LIMS2: variants seen among roughly 807,000 people sequenced by gnomAD.
The protein encoded by LIMS2 is LIM zinc finger domain containing 2.
LIMS2 carries 30 observed loss-of-function variants against 45.3 expected under a neutral mutation model. The observed-to-expected ratio is 0.66, with a 90% CI of 0.50 to 0.90. The LOEUF is 0.90. Among genes scored for constraint, LIMS2 ranks in the 40% least tolerant of loss-of-function variants. The probability of loss-of-function intolerance (pLI) is 0.00; values close to 1 mark genes in which losing one functional copy is unlikely to be tolerated. For missense variants in LIMS2, 485 were observed against 468.7 expected (o/e 1.03, Z -0.32); for synonymous variants, 173 against 188.0 (o/e 0.92, Z 0.65).
Position 127,646,083 on chromosome 2 carries a change from C to T in LIMS2, c.360-3011G>A, listed in dbSNP as rs7588092. ...AAGGGACCCCTCAGGAATGAAGCAG[C>T]CTTTCAGGGCCAGAGGGGCTGTGGT... On this transcript the variant is annotated intron_variant, in intron 4 of 9. Transcript: ENST00000355119. 960 of 152,680 alleles carry T rather than the reference C, an allele frequency of 6.3e-3. 13 individuals are homozygous for T. Among genetic ancestry groups the T allele is most frequent in the African/African-American group, 0.022 (905 of 41,570 alleles). 9.5% of individuals were successfully genotyped at this position (152,680 alleles called of 1,614,324 possible). A position where few individuals can be genotyped will look rare whatever the true frequency, so the allele number is the denominator to read the frequency against.
At chr2:127,654,288 G>A (rs1273903056) in intron 4 of LIMS2, 136 bp downstream of exon 4, 2 of 1,193,716 alleles carry the variant, frequency 1.7e-6, no homozygotes, top group East Asian at 4.9e-5. Flanking sequence ...CTGGAGGGAG[G>A]GCAGCTACAT....
Position 127,664,202 on chromosome 2 carries a change from ACGG to A in LIMS2, c.12-6643_12-6641del, listed in dbSNP as rs1005007263. On this transcript the variant is annotated intron_variant, in intron 1 of 9. Transcript: ENST00000355119. This position sits in a 1 kb window ranked among gnomAD's most constrained non-coding sequence, Gnocchi z 5.5. ...CCCATCCGACGCCGGGGCAGAGCCC[ACGG>A]CGTCGGAGGGCCCCGGTCGGGTTTC... 1.0e-6 allele frequency: 1 copy of A among 953,822 alleles called. No individual in the cohort carries two copies. Among genetic ancestry groups the A allele is most frequent in the Middle Eastern group, 4.1e-4 (1 of 2,456 alleles). 59.1% of individuals were successfully genotyped at this position (953,822 alleles called of 1,614,324 possible). A position where few individuals can be genotyped will look rare whatever the true frequency, so the allele number is the denominator to read the frequency against.
At chr2:127,675,729 C>G (rs886247598), upstream of LIMS2, among the ~76,000 whole-genome samples, 4 of 152,158 alleles carry the variant, frequency 2.6e-5, no homozygotes, top group East Asian at 1.9e-4. Context: ...CCGGGCTTTC[C>G]TAGCCCGGAG....
intron 2 of LIMS2, 49 bp from the exon 3 acceptor site, chr2:127,654,945 A>G (rs781395292): frequency 1.0e-5 from 16 of 1,548,922 alleles, no homozygotes; most frequent in Non-Finnish European, 1.2e-5. Context: ...TATCATCCCC[A>G]TGAGCAGCCC....
intron 4 of LIMS2, chr2:127,646,343 C>T (rs1380330422): frequency 6.6e-6 from 1 of 152,282 alleles, no homozygotes; most frequent in Non-Finnish European, 1.5e-5. Flanking sequence ...AGCAGCCTGT[C>T]TCGTCCCATC....
rs570690047 is a variant in LIMS2 at position 127,647,339 on chromosome 2, G to A, written c.360-4267C>T. 1.2e-4 allele frequency among the ~76,000 whole-genome samples: 18 copies of A among 152,242 alleles called. No homozygotes were observed. Among genetic ancestry groups the A allele is most frequent in the East Asian group, 5.8e-4 (3 of 5,162 alleles). The stretch of plus-strand genomic sequence containing the variant: ...TGGCGGTCTTCCAGGGAGTGAGACC[G>A]TTTCCCCGGTCTCACTTCCAGCTCC... On this transcript the variant is annotated intron_variant, in intron 4 of 9. Coordinates refer to ENST00000355119, the MANE Select transcript of LIMS2 (RefSeq NM_001161403.3). This position sits in a 1 kb window ranked among gnomAD's most constrained non-coding sequence, Gnocchi z 4.3.
chr2:127,638,717 C>T lies in LIMS2; in HGVS notation c.*564G>A, dbSNP rs1375621098. On this transcript the variant is annotated 3_prime_UTR_variant, in exon 10 of 10. Transcript: ENST00000355119. ...CCTCCAGGTAGCTTGTGGGTGTGGACAGCAGGACTTGCTGGCTCAGTGTGG... is the reference window on the plus strand; with the variant it reads ...CCTCCAGGTAGCTTGTGGGTGTGGATAGCAGGACTTGCTGGCTCAGTGTGG... 1 of 153,674 alleles carries T rather than the reference C, an allele frequency of 6.5e-6. No homozygotes were observed. Among genetic ancestry groups the T allele is most frequent in the Non-Finnish European group, 1.4e-5 (1 of 68,966 alleles). The allele number at this position is 153,674 out of a possible 1,614,324, so 9.5% of individuals were successfully genotyped here.
At chr2:127,639,551 G>A in intron 9 of LIMS2, 123 bp from the exon 10 acceptor site, 1 of 1,227,934 alleles carries the variant, frequency 8.1e-7, no homozygotes, top group Non-Finnish European at 1.2e-6. Context: ...CTAGCCAGCA[G>A]GCCAGGCCCT....
Position 127,672,944 on chromosome 2 carries a change from G to A in LIMS2, c.11+2070C>T, listed in dbSNP as rs1397183255. Among the ~76,000 whole-genome samples, 2 of 152,242 alleles carry A rather than the reference G, an allele frequency of 1.3e-5. No homozygotes were observed. Among genetic ancestry groups the A allele is most frequent in the African/African-American group, 4.8e-5 (2 of 41,472 alleles). Reference sequence around the variant, plus strand: ...GATCCAGGCACGAGGAGCTGCCCGGGATCACATGGGAACAGTGGACGTGGG... The same window carrying A: ...GATCCAGGCACGAGGAGCTGCCCGGAATCACATGGGAACAGTGGACGTGGG... On this transcript the variant is annotated intron_variant, in intron 1 of 9. Coordinates refer to ENST00000355119, the MANE Select transcript of LIMS2 (RefSeq NM_001161403.3). This position sits in a 1 kb window ranked among gnomAD's most constrained non-coding sequence, Gnocchi z 4.9.
chr2:127,640,126 C>A lies in LIMS2; in HGVS notation c.822G>T (p.Lys274Asn), dbSNP rs571756830. Residue 274 changes from lysine (K) to asparagine (N), a missense_variant, in exon 9 of 10, where the codon AAG (lysine) becomes AAT (asparagine). Transcript: ENST00000355119. ...AGGAGAAGCAGCTCACACACCAGGC[C>A]TTGTTGAGGGCCGACACCACTGTGA... ...IEGDVVSALN[K>N]AWCVSCFSCS... 2.5e-6 allele frequency: 4 copies of A among 1,613,494 alleles called. No individual in the cohort carries two copies. The East Asian group carries it at 6.7e-5, about 27-fold the overall frequency.
chr2:127,652,975 G>A (rs1000118169), intron 4 of LIMS2, among the ~76,000 whole-genome samples: 1 of 152,340 alleles, frequency 6.6e-6, no homozygotes, highest in South Asian at 2.1e-4. Flanking sequence ...CTTGGCTCAG[G>A]AAGGAGATTG....
At chr2:127,662,485 AG>A (rs1007364347) in intron 1 of LIMS2, among the ~76,000 whole-genome samples, 1 of 151,896 alleles carries the variant, frequency 6.6e-6, no homozygotes, top group African/African-American at 2.4e-5. Context: ...TGGCCACATG[AG>A]GTCAACAAAA....
intron 4 of LIMS2, chr2:127,650,309 G>C: frequency 1.8e-6 from 1 of 569,180 alleles, no homozygotes; most frequent in South Asian, 2.1e-5. Flanking sequence ...GAGACACACT[G>C]CCCCCGCCCC....
chr2:127,651,498 C>T (rs755124016), intron 4 of LIMS2: 15 of 1,612,660 alleles, frequency 9.3e-6, no homozygotes, highest in South Asian at 3.3e-5. Context: ...CCACGTCAAC[C>T]GCTCCGTCTA....
chr2:127,647,405 G>C lies in LIMS2; in HGVS notation c.360-4333C>G, dbSNP rs1683108688. On this transcript the variant is annotated intron_variant, in intron 4 of 9. Coordinates refer to ENST00000355119, the MANE Select transcript of LIMS2 (RefSeq NM_001161403.3). This position sits in a 1 kb window ranked among gnomAD's most constrained non-coding sequence, Gnocchi z 4.3. Reference sequence around the variant, plus strand: ...TGGTCAAGTGACCTAAGACAAGTTAGCAGACACTCAGCCTTGACTCCCTAA... The same window carrying C: ...TGGTCAAGTGACCTAAGACAAGTTACCAGACACTCAGCCTTGACTCCCTAA... Among the ~76,000 whole-genome samples, 1 of 152,152 alleles carries C rather than the reference G, an allele frequency of 6.6e-6. No homozygotes were observed. The highest frequency in any genetic ancestry group is 1.5e-5 in the Non-Finnish European group (1 of 68,012).
chr2:127,660,206 C>T (rs938444656), intron 1 of LIMS2, among the ~76,000 whole-genome samples: 1 of 152,176 alleles, frequency 6.6e-6, no homozygotes, highest in Non-Finnish European at 1.5e-5. Context: ...CCAATCAGCA[C>T]TCTATAAAAT....
intron 2 of LIMS2, among the ~76,000 whole-genome samples, chr2:127,656,455 A>G (rs113174467): frequency 0.078 from 10,669 of 136,736 alleles, 903 homozygotes; most frequent in African/African-American, 0.22. Context: ...GCTCTGTCCC[A>G]CAGGCTGGAG....
chr2:127,674,348 C>T (rs1685411228), intron 1 of LIMS2: 1 of 153,458 alleles, frequency 6.5e-6, no homozygotes, highest in Admixed American at 6.5e-5. Flanking sequence ...CAGGGACAAA[C>T]ACTGGCCGGA....
chr2:127,659,033 G>T (rs901883519), intron 1 of LIMS2, among the ~76,000 whole-genome samples: 1 of 152,150 alleles, frequency 6.6e-6, no homozygotes, highest in Non-Finnish European at 1.5e-5. Flanking sequence ...GAGAAGAGGG[G>T]CCTTAGGATG....
Sources: allele counts gnomAD v4.1 joint callset (sites outside exome capture counted in the v4.1 genomes callset), GRCh38; gene constraint gnomAD v4.1.1; non-coding constraint Gnocchi (gnomAD v3.1); transcripts MANE v1.5; gene names NCBI Gene and HGNC (gene_info 2026-07-23, HGNC 2026-07-21).